SEMA3E: variants seen among roughly 807,000 people sequenced by gnomAD.
The protein encoded by SEMA3E is semaphorin-3E.
In SEMA3E, 49 loss-of-function variants were observed where a neutral mutation model predicts 93.6. The ratio of observed to expected loss-of-function variants is 0.52; its 90% CI spans 0.42 to 0.66. The LOEUF (loss-of-function observed/expected upper bound fraction) is 0.66, where lower values mean the gene tolerates loss of function less well. Among genes scored for constraint, SEMA3E ranks in the 30% least tolerant of loss-of-function variants. SEMA3E has a pLI of 0.00. For missense variants in SEMA3E, 906 were observed against 964.8 expected, an observed-to-expected ratio of 0.94 and a Z score of 0.81; for synonymous variants, 363 against 330.7, an observed-to-expected ratio of 1.10 and a Z score of -1.06.
intron 1 of SEMA3E, among the ~76,000 whole-genome samples, chr7:83,530,915 G>GA (rs1791281095): frequency 6.6e-6 from 1 of 152,040 alleles, no homozygotes; most frequent in Non-Finnish European, 1.5e-5. Flanking sequence ...ATAGTCAGCA[G>GA]ACATGAATTT....
At chr7:83,374,286 A>T (rs1794791180) in intron 16 of SEMA3E, among the ~76,000 whole-genome samples, 1 of 152,102 alleles carries the variant, frequency 6.6e-6, no homozygotes, top group South Asian at 2.1e-4. Context: ...CAGAAGAAAG[A>T]CAAAACTTAG....
At chr7:83,589,752 C>T (rs549907406) in intron 1 of SEMA3E, among the ~76,000 whole-genome samples, 1 of 152,160 alleles carries the variant, frequency 6.6e-6, no homozygotes, top group African/African-American at 2.4e-5. Flanking sequence ...CTCTATGGCA[C>T]ATCTCACTTT....
chr7:83,370,499 C>T (rs929829295), intron 16 of SEMA3E, among the ~76,000 whole-genome samples: 8 of 152,094 alleles, frequency 5.3e-5, no homozygotes, highest in African/African-American at 1.9e-4. Context: ...AATTCTCATA[C>T]CTTATAACTG....
At chr7:83,531,632 C>T (rs1018122975) in intron 1 of SEMA3E, among the ~76,000 whole-genome samples, 1 of 152,056 alleles carries the variant, frequency 6.6e-6, no homozygotes, top group African/African-American at 2.4e-5. Context: ...GGATTACAGG[C>T]GTGAGCCACC....
chr7:83,392,702 G>A lies in SEMA3E; in HGVS notation c.1520C>T (p.Ser507Phe). Reference sequence around the variant, plus strand: ...TCTGACTTGAGCCACAGCAGAAGCAGATCCAATATACAGCTGTTGCTACAG... The same window carrying A: ...TCTGACTTGAGCCACAGCAGAAGCAAATCCAATATACAGCTGTTGCTACAG... ...SSKRQQLYIGSASAVAQVRFH... is the reference protein window; with the variant it reads ...SSKRQQLYIGFASAVAQVRFH... Residue 507 changes from serine to phenylalanine, a missense_variant, in exon 14 of 17, where the codon TCT becomes TTT. Coordinates refer to ENST00000643230, the MANE Select transcript of SEMA3E (RefSeq NM_012431.3). 1.2e-6 allele frequency: 2 copies of A among 1,613,822 alleles called. No individual in the cohort carries two copies. Among genetic ancestry groups the A allele is most frequent in the Non-Finnish European group, 1.7e-6 (2 of 1,179,846 alleles).
chr7:83,640,833 A>C (rs1398760022), intron 1 of SEMA3E, among the ~76,000 whole-genome samples: 1 of 152,088 alleles, frequency 6.6e-6, no homozygotes, highest in African/African-American at 2.4e-5. Flanking sequence ...CAGCCTCACA[A>C]AGGGGTACAC....
At chr7:83,390,337 T>C (rs1324486032) in intron 14 of SEMA3E, among the ~76,000 whole-genome samples, 1 of 151,408 alleles carries the variant, frequency 6.6e-6, no homozygotes, top group African/African-American at 2.4e-5. Flanking sequence ...CAAATTTGCT[T>C]TCATTCTCAA....
At chr7:83,523,779 T>C (rs928148022) in intron 1 of SEMA3E, among the ~76,000 whole-genome samples, 5 of 152,158 alleles carry the variant, frequency 3.3e-5, no homozygotes, top group Admixed American at 2.6e-4. Flanking sequence ...TTCCACTGTA[T>C]TTTATAAAAT....
At chr7:83,486,875 G>C (rs1562803268) in intron 2 of SEMA3E, among the ~76,000 whole-genome samples, 1 of 152,012 alleles carries the variant, frequency 6.6e-6, no homozygotes, top group Non-Finnish European at 1.5e-5. Flanking sequence ...CCCCCAAGTT[G>C]TATACATTTT....
chr7:83,465,288 CT>C, intron 4 of SEMA3E, among the ~76,000 whole-genome samples: 1 of 152,188 alleles, frequency 6.6e-6, no homozygotes, highest in East Asian at 1.9e-4. Context: ...CGCTGACTCT[CT>C]TTTCAGACTC....
At chr7:83,621,700 C>T (rs932138566) in intron 1 of SEMA3E, among the ~76,000 whole-genome samples, 2 of 152,110 alleles carry the variant, frequency 1.3e-5, no homozygotes, top group Non-Finnish European at 2.9e-5. Flanking sequence ...ACACCTACAA[C>T]GATCTGATCT....
At chr7:83,409,611 G>A (rs1355225820) in intron 5 of SEMA3E, among the ~76,000 whole-genome samples, 1 of 151,994 alleles carries the variant, frequency 6.6e-6, no homozygotes, top group African/African-American at 2.4e-5. Context: ...TGCTTTAAAG[G>A]TTAAGAGATT....
intron 8 of SEMA3E, 148 bp downstream of exon 8, chr7:83,405,797 G>C: frequency 1.4e-6 from 1 of 713,012 alleles, no homozygotes; most frequent in Non-Finnish European, 2.4e-6. Flanking sequence ...CAGCATGCGT[G>C]CCTGGCCAAA....
chr7:83,468,373 C>T (rs1789816937), intron 3 of SEMA3E, among the ~76,000 whole-genome samples: 1 of 152,136 alleles, frequency 6.6e-6, no homozygotes, highest in South Asian at 2.1e-4. Flanking sequence ...GAGAGGGAAC[C>T]TATTAGACCA....
chr7:83,449,440 A>C (rs1272301597), intron 4 of SEMA3E, among the ~76,000 whole-genome samples: 1 of 152,046 alleles, frequency 6.6e-6, no homozygotes, highest in South Asian at 2.1e-4. Flanking sequence ...TATGCTTAAA[A>C]TATTTTATAT....
chr7:83,626,156 C>T (rs566580406), intron 1 of SEMA3E, among the ~76,000 whole-genome samples: 1 of 152,254 alleles, frequency 6.6e-6, no homozygotes, highest in Admixed American at 6.5e-5. Context: ...GGATATTGGA[C>T]TGAAATTTTC....
At chr7:83,528,954 A>G (rs1353952480) in intron 1 of SEMA3E, among the ~76,000 whole-genome samples, 1 of 152,140 alleles carries the variant, frequency 6.6e-6, no homozygotes, top group Non-Finnish European at 1.5e-5. Flanking sequence ...AATACTTTTT[A>G]GATGATGAAA....
intron 1 of SEMA3E, among the ~76,000 whole-genome samples, chr7:83,621,728 A>G (rs2115632254): frequency 6.6e-6 from 1 of 152,338 alleles, no homozygotes; most frequent in East Asian, 1.9e-4. Context: ...ACTGACAAAA[A>G]CAAGCAATGG....
intron 4 of SEMA3E, 26 bp from the exon 5 acceptor site, chr7:83,418,509 T>C: frequency 7.0e-7 from 1 of 1,435,970 alleles, no homozygotes; most frequent in Non-Finnish European, 9.8e-7. Flanking sequence ...GAAAAATCAT[T>C]ATGAATATGC....
Sources: allele counts gnomAD v4.1 joint callset (sites outside exome capture counted in the v4.1 genomes callset), GRCh38; gene constraint gnomAD v4.1.1; transcripts MANE v1.5; gene names NCBI Gene and HGNC (gene_info 2026-07-23, HGNC 2026-07-21).